EPHA6: variants seen among roughly 807,000 people sequenced by gnomAD.
EPHA6 encodes EPH receptor A6.
EPHA6 carries 50 observed loss-of-function variants against 112.0 expected under a neutral mutation model. That is an observed-to-expected ratio of 0.45 (90% CI 0.36 to 0.56). The LOEUF (loss-of-function observed/expected upper bound fraction) is 0.56. Ranked by LOEUF, EPHA6 falls within the 20% of genes least tolerant of loss-of-function variation. The probability of loss-of-function intolerance (pLI) is 0.00; values close to 1 mark genes in which losing one functional copy is unlikely to be tolerated. For synonymous variants in EPHA6, 529 were observed against 490.7 expected (o/e 1.08, Z -1.03); for missense variants, 1,280 against 1,417.4 (o/e 0.90, Z 1.56).
intron 6 of EPHA6, among the ~76,000 whole-genome samples, chr3:97,412,000 G>C (rs1158137939): frequency 6.6e-6 from 1 of 151,980 alleles, no homozygotes; most frequent in Non-Finnish European, 1.5e-5. Flanking sequence ...AGGGGCTCTT[G>C]ACCTGATTTC....
intron 3 of EPHA6, among the ~76,000 whole-genome samples, chr3:97,132,906 G>A (rs1188714062): frequency 6.6e-6 from 1 of 152,014 alleles, no homozygotes; most frequent in Non-Finnish European, 1.5e-5. Flanking sequence ...TAATAAAATA[G>A]AGAAAACAGT....
chr3:97,153,376 A>G (rs375128058), intron 3 of EPHA6, among the ~76,000 whole-genome samples: 1 of 152,284 alleles, frequency 6.6e-6, no homozygotes, highest in East Asian at 1.9e-4. Context: ...TTTACCCACT[A>G]TAATGAAATT....
intron 3 of EPHA6, among the ~76,000 whole-genome samples, chr3:97,002,105 T>C (rs1448263012): frequency 1.3e-5 from 2 of 151,938 alleles, no homozygotes; most frequent in Non-Finnish European, 2.9e-5. Context: ...TGGTTATTTT[T>C]TACCGCCTCG....
At chr3:97,521,336 T>G (rs1456753887) in intron 10 of EPHA6, among the ~76,000 whole-genome samples, 1 of 152,184 alleles carries the variant, frequency 6.6e-6, no homozygotes, top group Non-Finnish European at 1.5e-5. Context: ...ATTAGTTCAT[T>G]ATCATGCTGC....
chr3:97,589,133 A>G (rs1476950136), intron 11 of EPHA6, among the ~76,000 whole-genome samples: 2 of 151,124 alleles, frequency 1.3e-5, no homozygotes, highest in East Asian at 3.9e-4. Flanking sequence ...AAATATTATG[A>G]GGTTGTATTG....
chr3:97,463,002 A>T (rs917805522), intron 7 of EPHA6, among the ~76,000 whole-genome samples: 1 of 152,168 alleles, frequency 6.6e-6, no homozygotes, highest in African/African-American at 2.4e-5. Flanking sequence ...AGTCCCAAAC[A>T]TATATATAAC....
chr3:96,878,618 A>G (rs1403821671), intron 2 of EPHA6, among the ~76,000 whole-genome samples: 1 of 152,086 alleles, frequency 6.6e-6, no homozygotes, highest in African/African-American at 2.4e-5. Flanking sequence ...ACATTTGACA[A>G]CAAAAGCTAT....
At chr3:97,746,136 T>A (rs1373056629) in intron 16 of EPHA6, among the ~76,000 whole-genome samples, 1 of 151,888 alleles carries the variant, frequency 6.6e-6, no homozygotes, top group Non-Finnish European at 1.5e-5. Context: ...TTTAACTTTA[T>A]AAAACTTAAA....
intron 8 of EPHA6, among the ~76,000 whole-genome samples, chr3:97,475,857 A>G (rs2091355894): frequency 6.6e-6 from 1 of 152,156 alleles, no homozygotes; most frequent in African/African-American, 2.4e-5. Flanking sequence ...AAATATTGAA[A>G]CTGTCTATGT....
chr3:97,415,667 G>T (rs1042558310), intron 6 of EPHA6, among the ~76,000 whole-genome samples: 1 of 151,946 alleles, frequency 6.6e-6, no homozygotes, highest in Non-Finnish European at 1.5e-5. Flanking sequence ...TTGAATTCAG[G>T]CATCTGTTTG....
rs1559783864 is a variant in EPHA6 at position 96,865,526 on chromosome 3, G to GA, written c.386-1293dup. On this transcript the variant is annotated intron_variant, in intron 1 of 17. Coordinates refer to ENST00000389672, the MANE Select transcript of EPHA6 (RefSeq NM_001080448.3). ...GTAAGACCTTGTCTCTACAATAAATGAAAAAATTAGCTGGGCACAGTGGTG... is the reference window on the plus strand; with the variant it reads ...GTAAGACCTTGTCTCTACAATAAATGAAAAAAATTAGCTGGGCACAGTGGTG... Among the ~76,000 whole-genome samples, 13 of 151,448 alleles carry GA rather than the reference G, an allele frequency of 8.6e-5. No individual in the cohort carries two copies. In the South Asian group the frequency reaches 2.5e-3, roughly 29 times the overall value.
At chr3:97,648,599 AT>A in intron 14 of EPHA6, 1 of 1,155,598 alleles carries the variant, frequency 8.7e-7, no homozygotes, top group Non-Finnish European at 1.1e-6. Context: ...AAGTACTTTC[AT>A]TAACATGAGT....
intron 12 of EPHA6, among the ~76,000 whole-genome samples, chr3:97,598,264 G>GT (rs530899020): frequency 2.3e-4 from 34 of 146,856 alleles, no homozygotes; most frequent in Admixed American, 3.4e-4. Flanking sequence ...ATTTAGTTAA[G>GT]TTTTTTTTTT....
intron 3 of EPHA6, among the ~76,000 whole-genome samples, chr3:97,112,687 T>C (rs1293763878): frequency 6.6e-6 from 1 of 151,840 alleles, no homozygotes; most frequent in African/African-American, 2.4e-5. Flanking sequence ...AATTTTAGAC[T>C]ATTTTTTGCC....
At chr3:97,643,933 C>A (rs1463960609) in intron 14 of EPHA6, among the ~76,000 whole-genome samples, 1 of 150,924 alleles carries the variant, frequency 6.6e-6, no homozygotes, top group Non-Finnish European at 1.5e-5. Context: ...CTGCACCAAG[C>A]AGACCTAATA....
intron 7 of EPHA6, among the ~76,000 whole-genome samples, chr3:97,462,919 C>T (rs966763142): frequency 1.1e-4 from 16 of 152,058 alleles, no homozygotes; most frequent in Non-Finnish European, 2.2e-4. Context: ...TTTTCTGTCA[C>T]GTTCTGTGCT....
At chr3:97,238,037 G>A (rs752766406) in intron 4 of EPHA6, among the ~76,000 whole-genome samples, 4 of 151,802 alleles carry the variant, frequency 2.6e-5, no homozygotes, top group East Asian at 1.9e-4. Flanking sequence ...TTTTCTTCTT[G>A]CATTGATAAG....
At chr3:97,301,238 C>T (rs1450953847) in intron 5 of EPHA6, among the ~76,000 whole-genome samples, 1 of 152,094 alleles carries the variant, frequency 6.6e-6, no homozygotes, top group African/African-American at 2.4e-5. Flanking sequence ...TCCATTTTCT[C>T]TACTTATTCC....
At position 97,390,016 on chromosome 3, in the gene EPHA6, A is replaced by T. The variant is rs183304818; in HGVS notation, c.1607-15134A>T. ...TAACTAGAGAAAATGAGGGTAAAAC[A>T]CAGGGCTCAGCCAGGTGTTACTTTA... On this transcript the variant is annotated intron_variant, in intron 5 of 17. Transcript: ENST00000389672. Among the ~76,000 whole-genome samples the T allele has an allele frequency of 2.0e-5, 3 of 152,232 alleles. No individual in the cohort carries two copies. The East Asian group carries it at 5.8e-4, about 29-fold the overall frequency.
Sources: gnomAD v4.1 joint callset for allele counts (sites outside exome capture counted in the v4.1 genomes callset) on GRCh38, gnomAD v4.1.1 for gene constraint, MANE v1.5 for transcripts, NCBI Gene and HGNC (gene_info 2026-07-23, HGNC 2026-07-21) for gene names.